Variants in HACL1 observed in about 807,000 individuals in gnomAD.
The protein encoded by HACL1 is 1600020H07Rik.
A neutral mutation model predicts 74.2 loss-of-function variants in HACL1; 64 were observed. The ratio of observed to expected loss-of-function variants is 0.86; its 90% CI spans 0.70 to 1.06. The LOEUF is 1.06. HACL1 is among the 50% of genes least tolerant of loss of function. The pLI, the probability that HACL1 is intolerant of heterozygous loss-of-function variation, is 0.00. For synonymous variants in HACL1, 230 were observed against 238.8 expected, an observed-to-expected ratio of 0.96 and a Z score of 0.34; for missense variants, 728 against 719.7, an observed-to-expected ratio of 1.01 and a Z score of -0.13.
intron 8 of HACL1, among the ~76,000 whole-genome samples, 161 bp from the exon 9 acceptor site, chr3:15,580,206 T>G (rs898633709): frequency 1.1e-4 from 16 of 152,116 alleles, no homozygotes; most frequent in African/African-American, 3.9e-4. Context: ...TGGCTCACTG[T>G]AACCTCTGCC....
chr3:15,584,660 A>G (rs2063764706), intron 7 of HACL1, among the ~76,000 whole-genome samples: 1 of 152,228 alleles, frequency 6.6e-6, no homozygotes, highest in Non-Finnish European at 1.5e-5. Context: ...TAGTCACTAG[A>G]GAACCATTTG....
rs180672174 is a variant in HACL1, at chr3:15,583,760, C to T, written c.555-771G>A. 3.4e-4 allele frequency among the ~76,000 whole-genome samples: 51 copies of T among 151,756 alleles called. No individual in the cohort carries two copies. The East Asian group carries it at 4.9e-3, about 14-fold the overall frequency. Reference sequence around the variant, plus strand: ...GCAACCTCCATCTCCCAAGTTCAAGCGATTCTCCTGCCTCAGCCTCCTGAG... The same window carrying T: ...GCAACCTCCATCTCCCAAGTTCAAGTGATTCTCCTGCCTCAGCCTCCTGAG... On this transcript the variant is annotated intron_variant, in intron 7 of 16. Transcript: ENST00000321169.
rs753021355 is a variant in HACL1, at chr3:15,571,773, A to G, written c.994-4T>C. 1,765 of 517,768 alleles carry G rather than the reference A, an allele frequency of 3.4e-3. 9 individuals are homozygous for G. Among genetic ancestry groups the G allele is most frequent in the East Asian group, 0.016 (358 of 21,930 alleles). The allele number at this position is 517,768 out of a possible 1,614,324, so 32.1% of individuals were successfully genotyped here. On this transcript the variant is annotated splice_polypyrimidine_tract_variant and splice_region_variant and intron_variant, in intron 11 of 16. Coordinates refer to ENST00000321169, the MANE Select transcript of HACL1 (RefSeq NM_012260.4). ...TTTTATCAAGTTCCTCTAAAAGCTT[A>G]AAAAAAAAAAAACACACACACACAA...
chr3:15,586,259 C>G (rs190818686), intron 6 of HACL1, among the ~76,000 whole-genome samples: 298 of 152,240 alleles, frequency 2.0e-3, no homozygotes, highest in Non-Finnish European at 3.2e-3. Context: ...ATAAACCTTT[C>G]TCTTTACTTT....
chr3:15,571,575 G>C (rs2063528078), intron 12 of HACL1, 93 bp downstream of exon 12: 1 of 754,102 alleles, frequency 1.3e-6, no homozygotes, highest in African/African-American at 1.8e-5. Flanking sequence ...TGCACATCAA[G>C]GTGATTTTTA....
Position 15,592,521 on chromosome 3 carries a change from C to T in HACL1, c.228-841G>A, listed in dbSNP as rs73030383. On this transcript the variant is annotated intron_variant, in intron 3 of 16. Coordinates refer to ENST00000321169, the MANE Select transcript of HACL1 (RefSeq NM_012260.4). Reference sequence around the variant, plus strand: ...ATACACTTGTATATACACTTGTATACATATACACATGTATACACATGTACG... The same window carrying T: ...ATACACTTGTATATACACTTGTATATATATACACATGTATACACATGTACG... Among the ~76,000 whole-genome samples the T allele has an allele frequency of 5.4e-3, 795 of 147,526 alleles. 26 individuals are homozygous for T. Among genetic ancestry groups the T allele is most frequent in the Non-Finnish European group, 7.7e-3 (521 of 67,458 alleles).
chr3:15,585,712 C>T (rs564201379), intron 6 of HACL1, among the ~76,000 whole-genome samples: 1 of 152,256 alleles, frequency 6.6e-6, no homozygotes, highest in East Asian at 1.9e-4. Context: ...TGCTGTTACA[C>T]GTATCAAATG....
chr3:15,586,666 A>C, intron 5 of HACL1, 64 bp from the exon 6 acceptor site: 2 of 903,474 alleles, frequency 2.2e-6, no homozygotes, highest in Non-Finnish European at 3.7e-6. Context: ...CTGAAAGAAG[A>C]CAAAATGTTA....
At chr3:15,599,368 G>A (rs1188555285) in intron 2 of HACL1, among the ~76,000 whole-genome samples, 1 of 152,176 alleles carries the variant, frequency 6.6e-6, no homozygotes, top group Non-Finnish European at 1.5e-5. Context: ...CTGGACTTGA[G>A]TAATCCTCCT....
At chr3:15,570,525 G>A (rs1361080672) in intron 12 of HACL1, among the ~76,000 whole-genome samples, 7 of 150,614 alleles carry the variant, frequency 4.6e-5, no homozygotes, top group East Asian at 2.0e-4. Context: ...GTGGAATCAC[G>A]CATAAGACAC....
intron 3 of HACL1, among the ~76,000 whole-genome samples, chr3:15,592,371 C>CACACGTATACACACACGTGTATACATGT (rs1559561472): frequency 5.3e-4 from 74 of 138,700 alleles, no homozygotes; most frequent in African/African-American, 2.3e-3. Context: ...TGTATACATA[C>CACACGTATACACACACGTGTATACATGT]AGACACACGT....
At chr3:15,592,224 A>G (rs60241802) in intron 3 of HACL1, among the ~76,000 whole-genome samples, 1 of 120,456 alleles carries the variant, frequency 8.3e-6, no homozygotes, top group South Asian at 2.3e-4. Flanking sequence ...ATATATGTAT[A>G]CATACGTATA....
At chr3:15,562,871 T>C (rs1257104177) in intron 16 of HACL1, among the ~76,000 whole-genome samples, 2 of 152,210 alleles carry the variant, frequency 1.3e-5, no homozygotes, top group African/African-American at 4.8e-5. Context: ...TGCTTCCTCT[T>C]TCCTCTTGCT....
rs777873856 is a variant in HACL1, at chr3:15,567,984, G to A, written c.1269C>T (p.Phe423=). 8.7e-5 allele frequency: 141 copies of A among 1,613,968 alleles called. No individual in the cohort carries two copies. The highest frequency in any genetic ancestry group is 3.5e-4 in the Admixed American group (21 of 59,994). Residue 423 remains phenylalanine (F), a synonymous_variant, in exon 14 of 17, where the codon TTC becomes TTT. Transcript: ENST00000321169. ...ATCCCAAACCAACTCCCATTGTTCC[G>A]AAAGTACCAGCATCAAGCCTGTTGG... ...LPRHRLDAGT[F]GTMGVGLGFA...
chr3:15,568,395 A>G (rs779832710), intron 13 of HACL1, 37 bp downstream of exon 13: 1 of 1,315,770 alleles, frequency 7.6e-7, no homozygotes, highest in Non-Finnish European at 1.1e-6. Flanking sequence ...AACACATTAT[A>G]ATGAATTACG....
In HACL1 at chr3:15,601,530, C is replaced by A. The variant is rs746041859; in HGVS notation, c.-67G>T. ...AAGCGGAATCATCCAGCAAGGCAAA[C>A]GCGAAATCGGCAGCACGCCACCTCT... is the stretch of plus-strand genomic sequence containing the variant. On this transcript the variant is annotated 5_prime_UTR_variant, in exon 1 of 17. Coordinates refer to ENST00000321169, the MANE Select transcript of HACL1 (RefSeq NM_012260.4). The A allele has an allele frequency of 6.2e-7, 1 of 1,608,212 alleles. No homozygotes were observed. Among genetic ancestry groups the A allele is most frequent in the South Asian group, 1.1e-5 (1 of 91,064 alleles).
At chr3:15,566,815 CTTTTTTTT>C (rs1156234795) in intron 14 of HACL1, among the ~76,000 whole-genome samples, 1 of 92,474 alleles carries the variant, frequency 1.1e-5, no homozygotes, top group Admixed American at 1.3e-4. Context: ...GGTTAAGTGA[CTTTTTTTT>C]TTTTTTTTTT....
chr3:15,596,429 G>A lies in HACL1; in HGVS notation c.187-5C>T, dbSNP rs753965728. 44 of 1,585,406 alleles carry A rather than the reference G, an allele frequency of 2.8e-5. No homozygotes were observed. The highest frequency in any genetic ancestry group is 1.3e-4 in the East Asian group (6 of 44,710). On this transcript the variant is annotated splice_region_variant and splice_polypyrimidine_tract_variant and intron_variant, in intron 2 of 16. Transcript: ENST00000321169. ...CGCGGAGGCAGCATAACAAGCCTACGAGAAAACAACACTGGGACTTGAGCA... is the reference window on the plus strand; with the variant it reads ...CGCGGAGGCAGCATAACAAGCCTACAAGAAAACAACACTGGGACTTGAGCA...
intron 6 of HACL1, among the ~76,000 whole-genome samples, chr3:15,586,207 C>A (rs1038782318): frequency 6.6e-6 from 1 of 152,056 alleles, no homozygotes; most frequent in African/African-American, 2.4e-5. Flanking sequence ...CAAAAATAAT[C>A]TTTTGCAAAA....
Sources: gnomAD v4.1 joint callset for allele counts (sites outside exome capture counted in the v4.1 genomes callset) on GRCh38, gnomAD v4.1.1 for gene constraint, MANE v1.5 for transcripts, NCBI Gene and HGNC (gene_info 2026-07-23, HGNC 2026-07-21) for gene names.